The following CELSR1 variants were observed in gnomAD, a reference collection of about 807,000 sequenced individuals.
The protein encoded by CELSR1 is adhesion G protein-coupled receptor C1.
In CELSR1, 110 loss-of-function variants were observed where a neutral mutation model predicts 249.1. That is an observed-to-expected ratio of 0.44 (90% confidence interval 0.38 to 0.52). CELSR1 has a LOEUF of 0.52. Among genes scored for constraint, CELSR1 ranks in the 20% least tolerant of loss-of-function variants. The pLI is 0.00. For synonymous variants in CELSR1, 2,113 were observed against 1,900.0 expected (o/e 1.11, Z -2.92); for missense variants, 4,109 against 4,296.4 (o/e 0.96, Z 1.22).
chr22:46,389,399 AAG>A lies in CELSR1; in HGVS notation c.6444_6445del (p.Phe2149TrpfsTer3), dbSNP rs2079064767. 1.2e-6 allele frequency: 2 copies of A among 1,612,252 alleles called. No homozygotes were observed. The highest frequency in any genetic ancestry group is 1.3e-5 in the African/African-American group (1 of 75,062). On this transcript the variant is annotated frameshift_variant, in exon 18 of 35. Transcript: ENST00000674500. LOFTEE classifies it high-confidence loss of function. ...GTAGGCCGTGCGCACGTCATTGCCA[AAG>A]AGCGTGCCCGTGTGCTGTGTAGCAC...
intron 1 of CELSR1, among the ~76,000 whole-genome samples, chr22:46,516,416 T>C (rs930746121): frequency 6.6e-6 from 1 of 151,908 alleles, no homozygotes; most frequent in African/African-American, 2.4e-5. Flanking sequence ...ATGAGAACAC[T>C]TGGACACAGG....
At position 46,367,812 on chromosome 22, in the gene CELSR1, C is replaced by T. The variant is rs769256468; in HGVS notation, c.7996G>A (p.Ala2666Thr). 18 of 1,611,618 alleles carry T rather than the reference C, an allele frequency of 1.1e-5. No individual in the cohort carries two copies. Among genetic ancestry groups the T allele is most frequent in the African/African-American group, 1.3e-5 (1 of 74,928 alleles). Residue 2666 changes from alanine (A) to threonine (T), a missense_variant, in exon 28 of 35, where the codon GCC becomes ACC. Ala to Thr is a moderately conservative substitution (Grantham distance 58). Transcript: ENST00000674500. ...TAFLLLLLISATWLLGLLAVN... is the reference protein window; with the variant it reads ...TAFLLLLLISTTWLLGLLAVN... ...GCCAGCAGCCCCAGCAGCCAGGTGG[C>T]GCTGATGAGCAGCAGCAGGAGGAAT... is the stretch of plus-strand genomic sequence containing the variant.
At chr22:46,497,478 T>C (rs1034477223) in intron 1 of CELSR1, among the ~76,000 whole-genome samples, 21 of 152,300 alleles carry the variant, frequency 1.4e-4, no homozygotes, top group African/African-American at 4.3e-4. Flanking sequence ...GGGTCTCTGG[T>C]AGTAGCCAGA....
chr22:46,416,842 C>T (rs1051533194), intron 5 of CELSR1, among the ~76,000 whole-genome samples: 13 of 152,196 alleles, frequency 8.5e-5, no homozygotes, highest in South Asian at 2.1e-4. Flanking sequence ...TTTCTGTGTG[C>T]GCACAAAAGC....
chr22:46,361,303 A>G lies in CELSR1; in HGVS notation c.*1920T>C, dbSNP rs1268452582. On this transcript the variant is annotated 3_prime_UTR_variant, in exon 35 of 35. Transcript: ENST00000674500. ...TCTCTCCCATAAAGTCTTAAGTAAT[A>G]AAAATAGGTTTACATTTTTCCCATC... 2.0e-5 allele frequency: 3 copies of G among 152,598 alleles called. No homozygotes were observed. Among genetic ancestry groups the G allele is most frequent in the African/African-American group, 7.2e-5 (3 of 41,456 alleles). The allele number at this position is 152,598 out of a possible 1,614,324, so 9.5% of individuals were successfully genotyped here. A position where few individuals can be genotyped will look rare whatever the true frequency, so the allele number is the denominator to read the frequency against.
intron 1 of CELSR1, among the ~76,000 whole-genome samples, chr22:46,501,948 A>G (rs1035001799): frequency 2.6e-5 from 4 of 152,142 alleles, no homozygotes; most frequent in Non-Finnish European, 5.9e-5. Context: ...TTACATTTTT[A>G]TAAACTACTC....
At chr22:46,389,674 G>A (rs191425956) in intron 17 of CELSR1, among the ~76,000 whole-genome samples, 175 bp from the exon 18 acceptor site, 11 of 152,372 alleles carry the variant, frequency 7.2e-5, no homozygotes, top group African/African-American at 2.6e-4. Flanking sequence ...CCAGCACTTT[G>A]GGAGGCCAAG....
chr22:46,404,254 A>C (rs568144098), intron 9 of CELSR1, among the ~76,000 whole-genome samples: 1 of 152,060 alleles, frequency 6.6e-6, no homozygotes, highest in South Asian at 2.1e-4. Flanking sequence ...TCTACTAAAA[A>C]TACAAAAATT....
At position 46,369,962 on chromosome 22, in the gene CELSR1, A is replaced by G. The variant is rs540867959; in HGVS notation, c.7760-158T>C. 1.6e-5 allele frequency: 11 copies of G among 691,040 alleles called. 1 individual carries two copies. The South Asian group carries it at 1.7e-4, about 10-fold the overall frequency. 42.8% of individuals were successfully genotyped at this position (691,040 alleles called of 1,614,324 possible). The stretch of plus-strand genomic sequence containing the variant: ...AGGGAGCCAGCCCAGGGCCCCTCCA[A>G]GCACAGTCTCTCCGTGTAGGGTCTC... On this transcript the variant is annotated intron_variant, in intron 25 of 34. Transcript: ENST00000674500.
intron 25 of CELSR1, among the ~76,000 whole-genome samples, chr22:46,372,558 G>A (rs937345734): frequency 6.9e-6 from 1 of 144,604 alleles, no homozygotes; most frequent in Admixed American, 7.1e-5. Flanking sequence ...CCATCCACCT[G>A]CACACTCATG....
intron 25 of CELSR1, among the ~76,000 whole-genome samples, chr22:46,372,033 G>A (rs1391835636): frequency 2.3e-5 from 3 of 128,970 alleles, no homozygotes. Flanking sequence ...CTACTCACTC[G>A]TCTCTCCATC....
rs147052565 is a variant in CELSR1, at chr22:46,523,099, A to G, written c.3544+10528T>C. On this transcript the variant is annotated intron_variant, in intron 1 of 34. Coordinates refer to ENST00000674500, the MANE Select transcript of CELSR1 (RefSeq NM_001378328.1). ...AGCATTCTTATCTCCGAATGCTAAC[A>G]GGGCATGTGATTTTATTTGAATTAG... is the stretch of plus-strand genomic sequence containing the variant. Among the ~76,000 whole-genome samples, 497 of 152,402 alleles carry G rather than the reference A, an allele frequency of 3.3e-3. 4 individuals are homozygous for G. Among genetic ancestry groups the G allele is most frequent in the African/African-American group, 0.011 (463 of 41,598 alleles).
At chr22:46,443,279 G>C (rs532444938) in intron 2 of CELSR1, among the ~76,000 whole-genome samples, 4 of 152,322 alleles carry the variant, frequency 2.6e-5, no homozygotes, top group Admixed American at 2.0e-4. Context: ...CTGACGCCGG[G>C]TCAGAGCCAG....
Position 46,398,396 on chromosome 22 carries a change from C to T in CELSR1, c.5526+128G>A, listed in dbSNP as rs935147641. On this transcript the variant is annotated intron_variant, in intron 11 of 34. Transcript: ENST00000674500. This position sits in a 1 kb window ranked among gnomAD's most constrained non-coding sequence, Gnocchi z 7.2. ...AACAGGAGCTGTTAAAGTGGGGATGCCTGTCAGACAAATTCTTCACTCGTT... is the reference window on the plus strand; with the variant it reads ...AACAGGAGCTGTTAAAGTGGGGATGTCTGTCAGACAAATTCTTCACTCGTT... 9 of 631,770 alleles carry T rather than the reference C, an allele frequency of 1.4e-5. No homozygotes were observed. The highest frequency in any genetic ancestry group is 1.2e-4 in the East Asian group (4 of 33,946). 39.1% of individuals were successfully genotyped at this position (631,770 alleles called of 1,614,324 possible).
chr22:46,397,852 C>T lies in CELSR1; in HGVS notation c.5527-4G>A. 1 of 1,547,868 alleles carries T rather than the reference C, an allele frequency of 6.5e-7. No homozygotes were observed. Among genetic ancestry groups the T allele is most frequent in the Non-Finnish European group, 8.7e-7 (1 of 1,143,044 alleles). The stretch of plus-strand genomic sequence containing the variant: ...GCGTCCCCCCCATCCTCACTCCCTG[C>T]ATTAAGTAAACGGCACTGGGGCTAC... On this transcript the variant is annotated splice_region_variant and splice_polypyrimidine_tract_variant and intron_variant, in intron 11 of 34. Coordinates refer to ENST00000674500, the MANE Select transcript of CELSR1 (RefSeq NM_001378328.1).
chr22:46,444,917 G>C lies in CELSR1; in HGVS notation c.4184-5506C>G, dbSNP rs141030251. 2.2e-3 allele frequency among the ~76,000 whole-genome samples: 328 copies of C among 152,308 alleles called. 9 individuals carry two copies. The highest frequency in any genetic ancestry group is 0.019 in the Admixed American group (297 of 15,288). On this transcript the variant is annotated intron_variant, in intron 2 of 34. Coordinates refer to ENST00000674500, the MANE Select transcript of CELSR1 (RefSeq NM_001378328.1). ...TCTCCCTCTCCTTCCTGTTATTAAA[G>C]ACACCAGGCCGGGAGCGGTGGCTCG... is the stretch of plus-strand genomic sequence containing the variant.
chr22:46,523,215 A>T (rs1258878993), intron 1 of CELSR1, among the ~76,000 whole-genome samples: 2 of 152,234 alleles, frequency 1.3e-5, no homozygotes, highest in African/African-American at 4.8e-5. Context: ...AAAACTGTGA[A>T]TAAAAACAGA....
chr22:46,415,910 T>G (rs1280888649), intron 5 of CELSR1, among the ~76,000 whole-genome samples: 1 of 152,186 alleles, frequency 6.6e-6, no homozygotes, highest in East Asian at 1.9e-4. Flanking sequence ...GATCATCCAT[T>G]TTTGTCAAAG....
chr22:46,378,822 GCCAAA>G, intron 22 of CELSR1, 105 bp from the exon 23 acceptor site: 1 of 1,436,468 alleles, frequency 7.0e-7, no homozygotes, highest in Non-Finnish European at 9.3e-7. Flanking sequence ...GGCCATCCTG[GCCAAA>G]CCAAACAGCA....
Sources: gnomAD v4.1 joint callset for allele counts (sites outside exome capture counted in the v4.1 genomes callset) on GRCh38, gnomAD v4.1.1 for gene constraint, Gnocchi (gnomAD v3.1) non-coding constraint, MANE v1.5 for transcripts, NCBI Gene and HGNC (gene_info 2026-07-23, HGNC 2026-07-21) for gene names.